Variants in NPEPPS observed in about 807,000 individuals in gnomAD.
The protein encoded by NPEPPS is aminopeptidase puromycin sensitive, also known as puromycin-sensitive aminopeptidase.
A neutral mutation model predicts 115.5 loss-of-function variants in NPEPPS; 14 were observed. The ratio of observed to expected loss-of-function variants is 0.12; its 90% CI spans 0.08 to 0.19. The LOEUF (loss-of-function observed/expected upper bound fraction) is 0.19. Among genes scored for constraint, NPEPPS ranks in the 10% least tolerant of loss-of-function variants. The pLI is 1.00. For missense variants in NPEPPS, 523 were observed against 1,110.8 expected (o/e 0.47, Z 7.52); for synonymous variants, 285 against 390.6 (o/e 0.73, Z 3.19).
intron 1 of NPEPPS, among the ~76,000 whole-genome samples, chr17:47,525,202 C>G (rs187824974): frequency 6.6e-6 from 1 of 152,264 alleles, no homozygotes; most frequent in East Asian, 1.9e-4. Flanking sequence ...AGCCCAAGTT[C>G]TAAGTGTGGG....
At chr17:47,592,263 G>C (rs1470444715) in intron 11 of NPEPPS, among the ~76,000 whole-genome samples, 1 of 151,970 alleles carries the variant, frequency 6.6e-6, no homozygotes. Context: ...AGGTGTGTTT[G>C]GGAGTGGAAA....
At chr17:47,533,053 G>C (rs1224736614) in intron 1 of NPEPPS, among the ~76,000 whole-genome samples, 1 of 152,168 alleles carries the variant, frequency 6.6e-6, no homozygotes, top group Non-Finnish European at 1.5e-5. Context: ...ACTGGTGCTC[G>C]AATGAATTGA....
At chr17:47,531,686 G>A in intron 1 of NPEPPS, 131 bp downstream of exon 1, 1 of 1,230,756 alleles carries the variant, frequency 8.1e-7, no homozygotes, top group Non-Finnish European at 1.0e-6. Context: ...CAGGGCGCCG[G>A]GTTCGGCGTG....
intron 1 of NPEPPS, among the ~76,000 whole-genome samples, chr17:47,537,518 C>T (rs1908387152): frequency 6.6e-6 from 1 of 151,898 alleles, no homozygotes. Flanking sequence ...ATGGTGAAAC[C>T]CCGTCTCTAC....
At chr17:47,551,970 T>TC (rs1268127593) in intron 2 of NPEPPS, among the ~76,000 whole-genome samples, 1 of 128,742 alleles carries the variant, frequency 7.8e-6, no homozygotes, top group Non-Finnish European at 1.7e-5. Context: ...TTCTTTCTTT[T>TC]TTTTTTTTTT....
chr17:47,586,954 T>C lies in NPEPPS; in HGVS notation c.981-276T>C, dbSNP rs559954884. The stretch of plus-strand genomic sequence containing the variant: ...TCTCTCCATCTAGCACAGTAATCGC[T>C]AATCCCTTAGACAATGTTTTCCCAA... On this transcript the variant is annotated intron_variant, in intron 8 of 22. Transcript: ENST00000322157. The C allele has an allele frequency of 2.2e-4, 90 of 405,782 alleles. 1 individual carries two copies. The highest frequency in any genetic ancestry group is 1.9e-3 in the South Asian group (86 of 45,006). 25.1% of individuals were successfully genotyped at this position (405,782 alleles called of 1,614,324 possible).
chr17:47,592,249 G>A (rs1912553374), intron 11 of NPEPPS, among the ~76,000 whole-genome samples, 189 bp downstream of exon 11: 1 of 151,998 alleles, frequency 6.6e-6, no homozygotes, highest in African/African-American at 2.4e-5. Flanking sequence ...GATGAGTGAT[G>A]TGCAGGTGTG....
chr17:47,622,134 AT>A lies in NPEPPS; in HGVS notation c.*215del. ...CAATTCAGCAAAAAATAAATAAAAA[AT>A]AAAAATGTAAATATGATAGTAATAA... On this transcript the variant is annotated 3_prime_UTR_variant, in exon 23 of 23. Coordinates refer to ENST00000322157, the MANE Select transcript of NPEPPS (RefSeq NM_006310.4). 3 of 1,251,420 alleles carry A rather than the reference AT, an allele frequency of 2.4e-6. No homozygotes were observed. The highest frequency in any genetic ancestry group is 5.7e-5 in the South Asian group (2 of 35,378). 77.5% of individuals were successfully genotyped at this position (1,251,420 alleles called of 1,614,324 possible).
At chr17:47,580,249 C>T (rs1398944658) in intron 4 of NPEPPS, 1 of 151,962 alleles carries the variant, frequency 6.6e-6, no homozygotes, top group Non-Finnish European at 1.5e-5. Context: ...CCTGATGTAT[C>T]TTCTCTTTCA....
At chr17:47,541,891 A>AT (rs1053364318) in intron 1 of NPEPPS, among the ~76,000 whole-genome samples, 16 of 152,096 alleles carry the variant, frequency 1.1e-4, no homozygotes, top group African/African-American at 3.6e-4. Context: ...TATGAGAAGC[A>AT]TTTTTTTTGT....
At chr17:47,584,110 A>C (rs1339841372) in intron 5 of NPEPPS, among the ~76,000 whole-genome samples, 1 of 151,314 alleles carries the variant, frequency 6.6e-6, no homozygotes, top group African/African-American at 2.4e-5. Flanking sequence ...AACCCCAGCT[A>C]CTTGGGAGGC....
intron 3 of NPEPPS, among the ~76,000 whole-genome samples, chr17:47,572,771 A>G (rs529202598): frequency 6.6e-6 from 1 of 152,252 alleles, no homozygotes; most frequent in East Asian, 1.9e-4. Context: ...AAATGGGAAG[A>G]GGATTTTTTT....
rs1006661898 is a variant in NPEPPS at position 47,601,767 on chromosome 17, T to G, written c.1740+20T>G. On this transcript the variant is annotated intron_variant, in intron 15 of 22. Coordinates refer to ENST00000322157, the MANE Select transcript of NPEPPS (RefSeq NM_006310.4). ...GTGAAGGTGAGTTCAGAATCTTACC[T>G]AAACAGATTTCTCTCACTTATACAT... 5 of 1,609,444 alleles carry G rather than the reference T, an allele frequency of 3.1e-6. No homozygotes were observed. Among genetic ancestry groups the G allele is most frequent in the South Asian group, 2.2e-5 (2 of 90,382 alleles).
At chr17:47,603,320 G>A (rs1345174157) in intron 15 of NPEPPS, among the ~76,000 whole-genome samples, 7 of 152,132 alleles carry the variant, frequency 4.6e-5, no homozygotes, top group South Asian at 2.1e-4. Flanking sequence ...GGTGAGGCAC[G>A]AGAATCACTT....
At chr17:47,550,965 A>G (rs1909608472) in intron 2 of NPEPPS, among the ~76,000 whole-genome samples, 1 of 152,112 alleles carries the variant, frequency 6.6e-6, no homozygotes, top group African/African-American at 2.4e-5. Context: ...CTAGTAGTTT[A>G]GATTTCTGGA....
intron 15 of NPEPPS, among the ~76,000 whole-genome samples, chr17:47,602,143 G>C (rs866391249): frequency 6.6e-6 from 1 of 152,084 alleles, no homozygotes; most frequent in Non-Finnish European, 1.5e-5. Context: ...TAATCGGTTC[G>C]TGTCACTGAA....
At position 47,619,639 on chromosome 17, in the gene NPEPPS, G is replaced by GC; in HGVS notation, c.2560-98_2560-97insC. ...CATCACACATCCTTTATAACAGACTGAAGTTGGCAGAGAACAGAATGATTT... is the reference window on the plus strand; with the variant it reads ...CATCACACATCCTTTATAACAGACTGCAAGTTGGCAGAGAACAGAATGATTT... On this transcript the variant is annotated intron_variant, in intron 21 of 22. Coordinates refer to ENST00000322157, the MANE Select transcript of NPEPPS (RefSeq NM_006310.4). 3 of 953,908 alleles carry GC rather than the reference G, an allele frequency of 3.1e-6. No individual in the cohort carries two copies. The South Asian group carries it at 4.0e-5, about 13-fold the overall frequency. The allele number at this position is 953,908 out of a possible 1,614,324, so 59.1% of individuals were successfully genotyped here.
chr17:47,553,241 T>C (rs1376183629), intron 2 of NPEPPS, among the ~76,000 whole-genome samples: 7 of 151,308 alleles, frequency 4.6e-5, no homozygotes, highest in Admixed American at 2.0e-4. Context: ...GGTGTGGTGG[T>C]AGGCGCCTGT....
chr17:47,535,539 G>T (rs1597808148), intron 1 of NPEPPS, among the ~76,000 whole-genome samples: 1 of 133,674 alleles, frequency 7.5e-6, no homozygotes, highest in East Asian at 2.2e-4. Context: ...GACAGAGCGA[G>T]GCTCCGTCTC....
Sources: gnomAD v4.1 joint callset for allele counts (sites outside exome capture counted in the v4.1 genomes callset) on GRCh38, gnomAD v4.1.1 for gene constraint, MANE v1.5 for transcripts, NCBI Gene and HGNC (gene_info 2026-07-23, HGNC 2026-07-21) for gene names.